AP3B1: variants seen among roughly 807,000 people sequenced by gnomAD.
The protein encoded by AP3B1 is AP-3 complex subunit beta-1.
A neutral mutation model predicts 132.5 loss-of-function variants in AP3B1; 61 were observed. That is an observed-to-expected ratio of 0.46 (90% CI 0.37 to 0.57). The LOEUF (loss-of-function observed/expected upper bound fraction) is 0.57, where lower values mean the gene tolerates loss of function less well. Among genes scored for constraint, AP3B1 ranks in the 20% least tolerant of loss-of-function variants. The pLI, the probability that AP3B1 is intolerant of heterozygous loss-of-function variation, is 0.00. For synonymous variants in AP3B1, 388 were observed against 438.3 expected (o/e 0.89, Z 1.43); for missense variants, 1,120 against 1,289.4 (o/e 0.87, Z 2.01).
chr5:78,174,401 C>T lies in AP3B1; in HGVS notation c.1167+1225G>A, dbSNP rs545849460. Among the ~76,000 whole-genome samples the T allele has an allele frequency of 5.9e-4, 90 of 152,278 alleles. No individual in the cohort carries two copies. The South Asian group carries it at 0.016, about 27-fold the overall frequency. Reference sequence around the variant, plus strand: ...GATATCCTTTTAGTTGATGTTGATGCTATTCCTTTCTGTTTGTTAGTTTTC... The same window carrying T: ...GATATCCTTTTAGTTGATGTTGATGTTATTCCTTTCTGTTTGTTAGTTTTC... On this transcript the variant is annotated intron_variant, in intron 11 of 26. Transcript: ENST00000255194.
chr5:78,273,048 T>C (rs1405782462), intron 1 of AP3B1, among the ~76,000 whole-genome samples: 2 of 152,030 alleles, frequency 1.3e-5, no homozygotes, highest in African/African-American at 4.8e-5. Context: ...CATATACATA[T>C]ACACACACAC....
At chr5:78,046,648 C>T (rs1423233699) in intron 22 of AP3B1, among the ~76,000 whole-genome samples, 1 of 152,092 alleles carries the variant, frequency 6.6e-6, no homozygotes, top group Non-Finnish European at 1.5e-5. Flanking sequence ...CAAAATCTCC[C>T]TCTGGGGCAA....
intron 2 of AP3B1, among the ~76,000 whole-genome samples, chr5:78,259,477 T>A (rs1747990937): frequency 6.6e-6 from 1 of 152,186 alleles, no homozygotes; most frequent in African/African-American, 2.4e-5. Context: ...GTGACCACAA[T>A]CAACAATAAT....
At chr5:78,096,715 G>C (rs550486705) in intron 21 of AP3B1, among the ~76,000 whole-genome samples, 1 of 150,432 alleles carries the variant, frequency 6.6e-6, no homozygotes, top group East Asian at 2.0e-4. Context: ...ATCTGAGAAG[G>C]GAGGAGACCC....
chr5:78,097,175 G>A (rs1292527114), intron 21 of AP3B1, among the ~76,000 whole-genome samples: 1 of 122,864 alleles, frequency 8.1e-6, no homozygotes, highest in Non-Finnish European at 1.7e-5. Context: ...CTGCCCAGCT[G>A]CCCCTACTGG....
At position 78,051,854 on chromosome 5, in the gene AP3B1, T is replaced by C. The variant is rs763082633; in HGVS notation, c.2578-12580A>G. Reference sequence around the variant, plus strand: ...AGAGGCACAGCTTCATCTTTAAAATTAGTACTTTTAAAACCAATGTATGTC... The same window carrying C: ...AGAGGCACAGCTTCATCTTTAAAATCAGTACTTTTAAAACCAATGTATGTC... On this transcript the variant is annotated intron_variant, in intron 22 of 26. Transcript: ENST00000255194. Among the ~76,000 whole-genome samples the C allele has an allele frequency of 7.2e-5, 11 of 152,242 alleles. No homozygotes were observed. In the South Asian group the frequency reaches 1.0e-3, roughly 14 times the overall value.
At chr5:78,012,717 C>G (rs1334270890) in intron 26 of AP3B1, among the ~76,000 whole-genome samples, 1 of 152,182 alleles carries the variant, frequency 6.6e-6, no homozygotes, top group Non-Finnish European at 1.5e-5. Flanking sequence ...ACGGCTAGAA[C>G]AGAAAAGCCT....
In AP3B1 at chr5:78,015,407, T is replaced by C. The variant is rs760558628; in HGVS notation, c.3131+3A>G. The C allele has an allele frequency of 1.2e-6, 2 of 1,613,742 alleles. No homozygotes were observed. Among genetic ancestry groups the C allele is most frequent in the Non-Finnish European group, 1.7e-6 (2 of 1,179,748 alleles). The stretch of plus-strand genomic sequence containing the variant: ...CCTCCACATCGTGTGTTAGTGAACC[T>C]ACCTGTGTATATTATCCTGGCCAGA... On this transcript the variant is annotated splice_donor_region_variant and intron_variant, in intron 26 of 26. Transcript: ENST00000255194.
At chr5:78,265,948 T>C (rs138245938) in intron 2 of AP3B1, among the ~76,000 whole-genome samples, 1 of 152,320 alleles carries the variant, frequency 6.6e-6, no homozygotes, top group East Asian at 1.9e-4. Flanking sequence ...CTGTAAAATG[T>C]CACATGTGTT....
At position 78,034,449 on chromosome 5, in the gene AP3B1, G is replaced by A. The variant is rs115340604; in HGVS notation, c.2810-4C>T. On this transcript the variant is annotated splice_region_variant and splice_polypyrimidine_tract_variant and intron_variant, in intron 23 of 26. Transcript: ENST00000255194. ...GATCCCTCAGGCTCAAGAGAGTCTAGGAAATAAGATAATTTAGACATGAAA... is the reference window on the plus strand; with the variant it reads ...GATCCCTCAGGCTCAAGAGAGTCTAAGAAATAAGATAATTTAGACATGAAA... 2,758 of 1,601,282 alleles carry A rather than the reference G, an allele frequency of 1.7e-3. 36 individuals carry two copies. The African/African-American group carries it at 0.033, about 19-fold the overall frequency.
intron 1 of AP3B1, among the ~76,000 whole-genome samples, chr5:78,274,683 C>A (rs1748695801): frequency 6.6e-6 from 1 of 152,090 alleles, no homozygotes; most frequent in Non-Finnish European, 1.5e-5. Flanking sequence ...CTTTGGGAGG[C>A]CAATGCAAGA....
intron 3 of AP3B1, among the ~76,000 whole-genome samples, chr5:78,239,065 G>A (rs369088964): frequency 6.6e-6 from 1 of 151,772 alleles, no homozygotes; most frequent in East Asian, 1.9e-4. Context: ...AAAAATAAAG[G>A]ATTTTTTTAT....
intron 6 of AP3B1, among the ~76,000 whole-genome samples, chr5:78,218,482 T>C (rs999961022): frequency 4.6e-5 from 7 of 152,124 alleles, no homozygotes; most frequent in Non-Finnish European, 1.0e-4. Flanking sequence ...GCCACGTTTT[T>C]CTGTGCTGTT....
At chr5:78,061,272 TA>T (rs397964615) in intron 22 of AP3B1, among the ~76,000 whole-genome samples, 4 of 127,504 alleles carry the variant, frequency 3.1e-5, no homozygotes, top group African/African-American at 1.0e-4. Context: ...GAAAACCAGA[TA>T]AAAAAAAGAC....
intron 20 of AP3B1, among the ~76,000 whole-genome samples, chr5:78,109,655 A>G (rs866304695): frequency 2.0e-5 from 3 of 152,132 alleles, no homozygotes; most frequent in Middle Eastern, 3.2e-3. Context: ...ATTAATAACT[A>G]TATTTTTGCA....
chr5:78,019,586 T>C (rs901480058), intron 25 of AP3B1, among the ~76,000 whole-genome samples: 1 of 152,094 alleles, frequency 6.6e-6, no homozygotes, highest in Non-Finnish European at 1.5e-5. Context: ...AAAGATAATT[T>C]TCCTCTATAG....
intron 13 of AP3B1, among the ~76,000 whole-genome samples, chr5:78,158,599 G>C (rs1179028910): frequency 6.6e-6 from 1 of 152,048 alleles, no homozygotes; most frequent in East Asian, 1.9e-4. Context: ...ATGAAGAAAG[G>C]GAGATGCACT....
At chr5:78,097,929 T>C (rs1392428526) in intron 21 of AP3B1, among the ~76,000 whole-genome samples, 2 of 152,230 alleles carry the variant, frequency 1.3e-5, no homozygotes, top group Admixed American at 6.5e-5. Flanking sequence ...TTTTGTTCTG[T>C]ACTAAGAAAA....
At position 78,110,264 on chromosome 5, in the gene AP3B1, G is replaced by A. The variant is rs199599147; in HGVS notation, c.2340C>T (p.Ser780=). The part of the protein sequence containing the change: ...DESSSIEDSS[S]DSESESEPES... Reference sequence around the variant, plus strand: ...CAGGTTCTGACTCTGATTCAGAATCGGAAGAACTGTCTTCTATTGAACTAG... The same window carrying A: ...CAGGTTCTGACTCTGATTCAGAATCAGAAGAACTGTCTTCTATTGAACTAG... The change falls in exon 20 of 27, where the codon TCC becomes TCT. Residue 780 remains serine (S), a synonymous_variant. Transcript: ENST00000255194. 1.1e-4 allele frequency: 179 copies of A among 1,608,570 alleles called. No individual in the cohort carries two copies. The highest frequency in any genetic ancestry group is 1.4e-4 in the Non-Finnish European group (169 of 1,176,660).
Sources: gnomAD v4.1 joint callset for allele counts (sites outside exome capture counted in the v4.1 genomes callset) on GRCh38, gnomAD v4.1.1 for gene constraint, MANE v1.5 for transcripts, NCBI Gene and HGNC (gene_info 2026-07-23, HGNC 2026-07-21) for gene names.